ZNF496: variants seen among roughly 807,000 people sequenced by gnomAD.
The protein encoded by ZNF496 is NSD1 (nuclear receptor binding SET-domain containing 1)-interacting zinc finger protein 1.
A neutral mutation model predicts 58.9 loss-of-function variants in ZNF496; 11 were observed. That is an observed-to-expected ratio of 0.19 (90% CI 0.12 to 0.31). The LOEUF is 0.31. ZNF496 is among the 10% of genes least tolerant of loss of function. The pLI, the probability that ZNF496 is intolerant of heterozygous loss-of-function variation, is 1.00. For synonymous variants in ZNF496, 338 were observed against 318.2 expected (o/e 1.06, Z -0.66); for missense variants, 660 against 783.0 (o/e 0.84, Z 1.88).
At position 247,331,793 on chromosome 1, in the gene ZNF496, C is replaced by CGCGGCGCGTCCCTGTTGGCGG. The variant is rs1008262422; in HGVS notation, c.-394_-374dup. 10 of 148,920 alleles carry CGCGGCGCGTCCCTGTTGGCGG rather than the reference C, an allele frequency of 6.7e-5. No homozygotes were observed. The highest frequency in any genetic ancestry group is 6.7e-4 in the Admixed American group (10 of 14,998). The allele number at this position is 148,920 out of a possible 1,614,324, so 9.2% of individuals were successfully genotyped here. ...GCGGGAGCCGGGGTGCACTCACCGC[C>CGCGGCGCGTCCCTGTTGGCGG]GCGGCGCGTCCCTGTTGGCGGGCGG... On this transcript the variant is annotated 5_prime_UTR_variant, in exon 1 of 10. Coordinates refer to ENST00000682384, the MANE Select transcript of ZNF496 (RefSeq NM_032752.3).
chr1:247,321,012 C>T (rs746761490), intron 6 of ZNF496, among the ~76,000 whole-genome samples: 1 of 152,132 alleles, frequency 6.6e-6, no homozygotes, highest in South Asian at 2.1e-4. Flanking sequence ...CCCGTCTCTA[C>T]TAAGAATACA....
At chr1:247,320,522 G>T (rs528048075) in intron 6 of ZNF496, among the ~76,000 whole-genome samples, 1 of 152,128 alleles carries the variant, frequency 6.6e-6, no homozygotes, top group Non-Finnish European at 1.5e-5. Flanking sequence ...GGTAACAGGA[G>T]GTATCCTTCT....
At position 247,300,909 on chromosome 1, in the gene ZNF496, C is replaced by G. The variant is rs780400418; in HGVS notation, c.1374G>C (p.Glu458Asp). Reference protein sequence around the residue: ...EDLDGHLESHEAQKPYRCGAC... With the variant: ...EDLDGHLESHDAQKPYRCGAC... Reference sequence around the variant, plus strand: ...CACCACACCGGTAAGGCTTCTGGGCCTCGTGGCTCTCTAGGTGCCCATCCA... The same window carrying G: ...CACCACACCGGTAAGGCTTCTGGGCGTCGTGGCTCTCTAGGTGCCCATCCA... The change falls in exon 10 of 10, where the codon GAG becomes GAC. Residue 458 changes from glutamate to aspartate, a missense_variant. Physicochemically the swap from Glu to Asp is conservative, Grantham distance 45 (BLOSUM62 2). Coordinates refer to ENST00000682384, the MANE Select transcript of ZNF496 (RefSeq NM_032752.3). This position sits in a 1 kb window ranked among gnomAD's most constrained non-coding sequence, Gnocchi z 5.7. 8.7e-6 allele frequency: 14 copies of G among 1,612,954 alleles called. No individual in the cohort carries two copies. Among genetic ancestry groups the G allele is most frequent in the Middle Eastern group, 3.3e-4 (2 of 6,050 alleles).
chr1:247,327,479 A>C (rs540540824), intron 5 of ZNF496, among the ~76,000 whole-genome samples: 105 of 152,358 alleles, frequency 6.9e-4, no homozygotes, highest in African/African-American at 2.5e-3. Context: ...CATTGACTTC[A>C]GACTTCCAGC....
At position 247,300,275 on chromosome 1, in the gene ZNF496, G is replaced by A; in HGVS notation, c.*244C>T. Reference sequence around the variant, plus strand: ...GAACACCTGGCATGTCCAACCTGGTGATGGCACATCCCCCCCGTTTTTTGG... The same window carrying A: ...GAACACCTGGCATGTCCAACCTGGTAATGGCACATCCCCCCCGTTTTTTGG... On this transcript the variant is annotated 3_prime_UTR_variant, in exon 10 of 10. Coordinates refer to ENST00000682384, the MANE Select transcript of ZNF496 (RefSeq NM_032752.3). The surrounding 1 kb of genome is among the most constrained non-coding windows in gnomAD (Gnocchi z 5.7). 1 of 426,598 alleles carries A rather than the reference G, an allele frequency of 2.3e-6. No homozygotes were observed. The highest frequency in any genetic ancestry group is 4.2e-6 in the Non-Finnish European group (1 of 240,910). The allele number at this position is 426,598 out of a possible 1,614,324, so 26.4% of individuals were successfully genotyped here.
At chr1:247,327,253 G>A (rs769843176) in intron 5 of ZNF496, among the ~76,000 whole-genome samples, 1 of 152,174 alleles carries the variant, frequency 6.6e-6, no homozygotes, top group Non-Finnish European at 1.5e-5. Flanking sequence ...TAGTAGCGAT[G>A]GGGTTTCACC....
intron 6 of ZNF496, among the ~76,000 whole-genome samples, chr1:247,315,377 A>T (rs916636492): frequency 1.3e-5 from 2 of 152,110 alleles, no homozygotes; most frequent in Non-Finnish European, 2.9e-5. Flanking sequence ...ACCTATCACG[A>T]TATTCCACTC....
At chr1:247,316,202 TGCGCGC>T (rs1329727940) in intron 6 of ZNF496, among the ~76,000 whole-genome samples, 1 of 26,804 alleles carries the variant, frequency 3.7e-5, no homozygotes, top group Non-Finnish European at 1.0e-4. Flanking sequence ...TGTGTGTGTG[TGCGCGC>T]GCGTGCGCGT....
In ZNF496 at chr1:247,328,675, C is replaced by A; in HGVS notation, c.574+8G>T. 1 of 1,572,058 alleles carries A rather than the reference C, an allele frequency of 6.4e-7. No homozygotes were observed. Among genetic ancestry groups the A allele is most frequent in the Non-Finnish European group, 8.6e-7 (1 of 1,159,020 alleles). ...ATCACCCCTGCTACACTCCCCTGGG[C>A]TGCATACCTGGGTCCCCGCTGAGCT... On this transcript the variant is annotated splice_region_variant and intron_variant, in intron 5 of 9. Transcript: ENST00000682384.
chr1:247,319,887 C>T (rs1659906727), intron 6 of ZNF496, among the ~76,000 whole-genome samples: 1 of 152,158 alleles, frequency 6.6e-6, no homozygotes, highest in Non-Finnish European at 1.5e-5. Flanking sequence ...CGCGCCACTG[C>T]ACTCCAGCCT....
chr1:247,304,580 C>A (rs770767069), intron 9 of ZNF496, among the ~76,000 whole-genome samples: 1 of 151,966 alleles, frequency 6.6e-6, no homozygotes, highest in African/African-American at 2.4e-5. Flanking sequence ...CCATTTTTGC[C>A]AGTGCAGTCT....
chr1:247,309,574 T>G lies in ZNF496; in HGVS notation c.892+125A>C. The G allele has an allele frequency of 1.4e-6, 2 of 1,468,574 alleles. No homozygotes were observed. The highest frequency in any genetic ancestry group is 1.8e-6 in the Non-Finnish European group (2 of 1,111,134). The allele number at this position is 1,468,574 out of a possible 1,614,324, so 91.0% of individuals were successfully genotyped here. A position where few individuals can be genotyped will look rare whatever the true frequency, so the allele number is the denominator to read the frequency against. The stretch of plus-strand genomic sequence containing the variant: ...CAAGGCAAGACATGCAAGACCCACA[T>G]AGAGTCTGGGGAAATGAAGAAGGCA... On this transcript the variant is annotated intron_variant, in intron 8 of 9. Transcript: ENST00000682384. The surrounding 1 kb of genome is among the most constrained non-coding windows in gnomAD (Gnocchi z 4.3).
At position 247,328,701 on chromosome 1, in the gene ZNF496, G is replaced by T; in HGVS notation, c.556C>A (p.Gln186Lys). Residue 186 changes from glutamine (Q) to lysine (K), a missense_variant, in exon 5 of 10, where the codon CAG becomes AAG. Physicochemically the swap from Gln to Lys is moderately conservative, Grantham distance 53. Transcript: ENST00000682384. Reference sequence around the variant, plus strand: ...TGCATACCTGGGTCCCCGCTGAGCTGGCTTGGTGGTCTGCTTGGGAGCCCC... The same window carrying T: ...TGCATACCTGGGTCCCCGCTGAGCTTGCTTGGTGGTCTGCTTGGGAGCCCC... ...CLGLPSRPPSQLSGDPVLQDA... is the reference protein window; with the variant it reads ...CLGLPSRPPSKLSGDPVLQDA... The T allele has an allele frequency of 6.3e-7, 1 of 1,598,844 alleles. No homozygotes were observed. Among genetic ancestry groups the T allele is most frequent in the Non-Finnish European group, 8.5e-7 (1 of 1,172,566 alleles).
chr1:247,308,626 G>T lies in ZNF496; in HGVS notation c.893-38C>A. On this transcript the variant is annotated intron_variant, in intron 8 of 9. Transcript: ENST00000682384. The surrounding 1 kb of genome is among the most constrained non-coding windows in gnomAD (Gnocchi z 4.5). The stretch of plus-strand genomic sequence containing the variant: ...GGAAATGGAAAAATTGATTTGTTTT[G>T]CACCTACAGCACTACCTGGGAGGGT... The T allele has an allele frequency of 6.4e-7, 1 of 1,566,274 alleles. No homozygotes were observed. Among genetic ancestry groups the T allele is most frequent in the African/African-American group, 1.4e-5 (1 of 74,006 alleles).
At chr1:247,306,885 G>A (rs7528202) in intron 9 of ZNF496, among the ~76,000 whole-genome samples, 52,151 of 152,030 alleles carry the variant, frequency 0.34, 9,679 homozygotes, top group East Asian at 0.52. Context: ...TGCCCCAGCT[G>A]CAATACAGAG....
chr1:247,301,327 G>C, intron 9 of ZNF496, 51 bp from the exon 10 acceptor site: 1 of 1,485,740 alleles, frequency 6.7e-7, no homozygotes, highest in Non-Finnish European at 8.9e-7. Flanking sequence ...CCACATCCCA[G>C]CCCCTATGAC....
chr1:247,308,714 G>C lies in ZNF496; in HGVS notation c.893-126C>G, dbSNP rs1214495263. On this transcript the variant is annotated intron_variant, in intron 8 of 9. Transcript: ENST00000682384. This position sits in a 1 kb window ranked among gnomAD's most constrained non-coding sequence, Gnocchi z 4.5. ...GCCCTGGGCTCCGTCCTGGGGACTG[G>C]CAGGGGGTGGCCACTCAATAAGTGT... 1 of 816,088 alleles carries C rather than the reference G, an allele frequency of 1.2e-6. No individual in the cohort carries two copies. The highest frequency in any genetic ancestry group is 1.9e-6 in the Non-Finnish European group (1 of 514,640). 50.6% of individuals were successfully genotyped at this position (816,088 alleles called of 1,614,324 possible).
intron 6 of ZNF496, among the ~76,000 whole-genome samples, chr1:247,317,019 C>A (rs1179635691): frequency 6.6e-6 from 1 of 152,154 alleles, no homozygotes; most frequent in Non-Finnish European, 1.5e-5. Context: ...CTTTTCACTT[C>A]CTACATTTTG....
chr1:247,310,542 C>T (rs888859457), intron 6 of ZNF496, 86 bp from the exon 7 acceptor site: 21 of 1,523,662 alleles, frequency 1.4e-5, no homozygotes, highest in Admixed American at 5.4e-5. Context: ...GACAACACAA[C>T]GCTGTAGGAC....
Sources: gnomAD v4.1 joint callset for allele counts (sites outside exome capture counted in the v4.1 genomes callset) on GRCh38, gnomAD v4.1.1 for gene constraint, Gnocchi (gnomAD v3.1) non-coding constraint, MANE v1.5 for transcripts, NCBI Gene and HGNC (gene_info 2026-07-23, HGNC 2026-07-21) for gene names.